The following GNL2 variants were observed in gnomAD, a reference collection of about 807,000 sequenced individuals.
GNL2 encodes the protein G protein nucleolar 2.
Under a neutral mutation model 92.3 loss-of-function variants are expected in GNL2, and 51 were observed. The ratio of observed to expected loss-of-function variants is 0.55; its 90% CI spans 0.44 to 0.70. The LOEUF (loss-of-function observed/expected upper bound fraction) is 0.70. GNL2 is among the 30% of genes least tolerant of loss of function. GNL2 has a pLI of 0.00. For synonymous variants in GNL2, 283 were observed against 300.6 expected (o/e 0.94, Z 0.61); for missense variants, 844 against 895.6 (o/e 0.94, Z 0.74).
intron 8 of GNL2, among the ~76,000 whole-genome samples, chr1:37,580,694 C>T (rs944322851): frequency 6.6e-6 from 1 of 152,206 alleles, no homozygotes; most frequent in Admixed American, 6.5e-5. Flanking sequence ...GAGTGCTGGC[C>T]ACCGAAGGGA....
rs1643919478 is a variant in GNL2, at chr1:37,595,783, G to A, written c.40C>T (p.Pro14Ser). 1.2e-6 allele frequency: 2 copies of A among 1,614,060 alleles called. No individual in the cohort carries two copies. Among genetic ancestry groups the A allele is most frequent in the African/African-American group, 1.3e-5 (1 of 74,926 alleles). Residue 14 changes from proline to serine, a missense_variant, in exon 1 of 16, where the codon CCG becomes TCG. By Grantham distance (74) the Pro-to-Ser change is moderately conservative. Transcript: ENST00000373062. ...CCTGGGTTTGTGCTGGCCTTGGACG[G>A]GTTGATGGTGCTCCGTCCTTTGTAC... is the stretch of plus-strand genomic sequence containing the variant. ...PKYKGRSTIN[P>S]SKASTNPDRV...
At position 37,590,795 on chromosome 1, in the gene GNL2, T is replaced by C; in HGVS notation, c.295A>G (p.Met99Val). The C allele has an allele frequency of 1.2e-6, 2 of 1,602,638 alleles. No individual in the cohort carries two copies. The highest frequency in any genetic ancestry group is 1.7e-6 in the Non-Finnish European group (2 of 1,174,622). ...TATGGATCCTTCATAACTGTATCCA[T>C]TTCCTCTTGAAATTTTTGTAATGAT... ...QSSLQKFQEEMDTVMKDPYKV... is the reference protein window; with the variant it reads ...QSSLQKFQEEVDTVMKDPYKV... The change falls in exon 4 of 16, where the codon ATG (methionine) becomes GTG (valine). Residue 99 changes from methionine (M) to valine (V), a missense_variant. Coordinates refer to ENST00000373062, the MANE Select transcript of GNL2 (RefSeq NM_013285.3).
intron 2 of GNL2, among the ~76,000 whole-genome samples, chr1:37,593,204 G>A (rs1643899151): frequency 6.6e-6 from 1 of 152,202 alleles, no homozygotes; most frequent in Admixed American, 6.5e-5. Flanking sequence ...CAAAGTAGAT[G>A]ACTACACATA....
At position 37,567,900 on chromosome 1, in the gene GNL2, G is replaced by A; in HGVS notation, c.1952-136C>T. 6.0e-6 allele frequency: 4 copies of A among 670,948 alleles called. No homozygotes were observed. In the South Asian group the frequency reaches 7.0e-5, roughly 12 times the overall value. The allele number at this position is 670,948 out of a possible 1,614,324, so 41.6% of individuals were successfully genotyped here. Reference sequence around the variant, plus strand: ...GCAGGTGAGCACAGTGGTGAGTAAAGCAGGCCAAGGGGAGGCTGCCAGGTA... The same window carrying A: ...GCAGGTGAGCACAGTGGTGAGTAAAACAGGCCAAGGGGAGGCTGCCAGGTA... On this transcript the variant is annotated intron_variant, in intron 14 of 15. Transcript: ENST00000373062.
chr1:37,577,747 C>CAGCA (rs1374588372), intron 8 of GNL2, among the ~76,000 whole-genome samples: 1 of 152,110 alleles, frequency 6.6e-6, no homozygotes, highest in Admixed American at 6.5e-5. Context: ...AAACAAGGAC[C>CAGCA]AGCAGATAGT....
intron 2 of GNL2, chr1:37,593,554 A>G: frequency 2.0e-6 from 1 of 506,450 alleles, no homozygotes; most frequent in Non-Finnish European, 3.5e-6. Context: ...GAGTATTGTG[A>G]AACCATCACT....
intron 14 of GNL2, chr1:37,568,063 A>G: frequency 1.7e-6 from 1 of 593,068 alleles, no homozygotes; most frequent in Non-Finnish European, 3.0e-6. Context: ...CCTTTCTAGG[A>G]AGTTTCCTGA....
At chr1:37,583,151 GA>G (rs1281538138) in intron 6 of GNL2, 16 of 365,804 alleles carry the variant, frequency 4.4e-5, no homozygotes, top group Admixed American at 8.8e-5. Context: ...ATTTAAAACA[GA>G]AAAACTAGCT....
rs1264280816 is a variant in GNL2, at chr1:37,575,751, A to G, written c.1039-52T>C. 2.6e-6 allele frequency: 3 copies of G among 1,147,264 alleles called. No homozygotes were observed. Among genetic ancestry groups the G allele is most frequent in the Non-Finnish European group, 3.8e-6 (3 of 783,408 alleles). The allele number at this position is 1,147,264 out of a possible 1,614,324, so 71.1% of individuals were successfully genotyped here. A position where few individuals can be genotyped will look rare whatever the true frequency, so the allele number is the denominator to read the frequency against. ...TCCTGTATCAAACACTAAGAGTCTA[A>G]TTTCACAAACCCCTGATGCTCATGT... is the stretch of plus-strand genomic sequence containing the variant. On this transcript the variant is annotated intron_variant, in intron 9 of 15. Transcript: ENST00000373062. The surrounding 1 kb of genome is among the most constrained non-coding windows in gnomAD (Gnocchi z 4.1).
Position 37,568,977 on chromosome 1 carries a change from G to T in GNL2, c.1742C>A (p.Ser581Tyr). Residue 581 changes from serine to tyrosine, a missense_variant, in exon 13 of 16, where the codon TCC (serine) becomes TAC (tyrosine). Coordinates refer to ENST00000373062, the MANE Select transcript of GNL2 (RefSeq NM_013285.3). ...EQQRDDAEES[S>Y]SEPEEENVGN... ...CACATTTTCCTCCTCAGGCTCCGAG[G>T]AAGACTCTTCCGCATCATCTCTTTG... 1 of 1,614,182 alleles carries T rather than the reference G, an allele frequency of 6.2e-7. No homozygotes were observed. The highest frequency in any genetic ancestry group is 8.5e-7 in the Non-Finnish European group (1 of 1,180,008).
intron 8 of GNL2, among the ~76,000 whole-genome samples, chr1:37,580,981 C>G (rs953814171): frequency 2.6e-5 from 4 of 152,082 alleles, no homozygotes; most frequent in African/African-American, 7.2e-5. Context: ...AAATAAAGCT[C>G]TCCTTTCCAA....
At chr1:37,592,473 T>C (rs1481268085) in intron 3 of GNL2, among the ~76,000 whole-genome samples, 4 of 152,220 alleles carry the variant, frequency 2.6e-5, no homozygotes, top group African/African-American at 4.8e-5. Flanking sequence ...TCATTAAGGA[T>C]GGTCTTATCT....
chr1:37,567,626 G>A, intron 15 of GNL2, 47 bp downstream of exon 15: 2 of 1,245,522 alleles, frequency 1.6e-6, no homozygotes, highest in Non-Finnish European at 2.4e-6. Flanking sequence ...GACAACTGGA[G>A]TTCTAGTTAC....
intron 12 of GNL2, among the ~76,000 whole-genome samples, chr1:37,571,398 G>C (rs1401008930): frequency 2.6e-5 from 4 of 152,162 alleles, no homozygotes; most frequent in Non-Finnish European, 5.9e-5. Context: ...TCTGACATTA[G>C]AATCATAAGG....
chr1:37,590,571 A>C, intron 4 of GNL2, 135 bp downstream of exon 4: 1 of 694,646 alleles, frequency 1.4e-6, no homozygotes. Context: ...GTGAAAAGAG[A>C]GGTCTTAGAA....
intron 8 of GNL2, 130 bp downstream of exon 8, chr1:37,582,093 T>C: frequency 1.7e-6 from 1 of 586,460 alleles, no homozygotes; most frequent in Non-Finnish European, 3.0e-6. Context: ...CCTGAGTAGC[T>C]AGGACTACAG....
Position 37,575,765 on chromosome 1 carries a change from T to C in GNL2, c.1039-66A>G. The C allele has an allele frequency of 1.0e-6, 1 of 967,046 alleles. No homozygotes were observed. Among genetic ancestry groups the C allele is most frequent in the Non-Finnish European group, 1.6e-6 (1 of 629,260 alleles). The allele number at this position is 967,046 out of a possible 1,614,324, so 59.9% of individuals were successfully genotyped here. On this transcript the variant is annotated intron_variant, in intron 9 of 15. Coordinates refer to ENST00000373062, the MANE Select transcript of GNL2 (RefSeq NM_013285.3). This position sits in a 1 kb window ranked among gnomAD's most constrained non-coding sequence, Gnocchi z 4.1. ...CTAAGAGTCTAATTTCACAAACCCCTGATGCTCATGTATGAAGCTGGAAAG... is the reference window on the plus strand; with the variant it reads ...CTAAGAGTCTAATTTCACAAACCCCCGATGCTCATGTATGAAGCTGGAAAG...
chr1:37,579,213 T>C (rs3856138), intron 8 of GNL2, among the ~76,000 whole-genome samples: 61,844 of 151,892 alleles, frequency 0.41, 13,532 homozygotes, highest in East Asian at 0.58. Context: ...TTAAAAGCAA[T>C]TGGCAAAATA....
intron 4 of GNL2, among the ~76,000 whole-genome samples, chr1:37,590,290 T>C (rs1643880223): frequency 6.6e-6 from 1 of 152,312 alleles, no homozygotes; most frequent in East Asian, 1.9e-4. Flanking sequence ...GTATTTTTAG[T>C]AGAGACAGGG....
Sources: gnomAD v4.1 joint callset for allele counts (sites outside exome capture counted in the v4.1 genomes callset) on GRCh38, gnomAD v4.1.1 for gene constraint, Gnocchi (gnomAD v3.1) non-coding constraint, MANE v1.5 for transcripts, NCBI Gene and HGNC (gene_info 2026-07-23, HGNC 2026-07-21) for gene names.